The following SYT2 variants were observed in gnomAD, a reference collection of about 807,000 sequenced individuals.
The protein encoded by SYT2 is synaptotagmin-2.
In SYT2, 15 loss-of-function variants were observed where a neutral mutation model predicts 39.9. That is an observed-to-expected ratio of 0.38 (90% CI 0.25 to 0.58). The LOEUF is 0.58. SYT2 is among the 20% of genes least tolerant of loss of function. The pLI is 0.70. For synonymous variants in SYT2, 181 were observed against 204.5 expected (o/e 0.89, Z 0.98); for missense variants, 389 against 530.3 (o/e 0.73, Z 2.62).
chr1:202,657,366 C>G (rs1692295593), intron 1 of SYT2, among the ~76,000 whole-genome samples: 2 of 152,240 alleles, frequency 1.3e-5, no homozygotes, highest in South Asian at 4.1e-4. Flanking sequence ...CTACGATTCT[C>G]TCTTCTCCCA....
intron 8 of SYT2, among the ~76,000 whole-genome samples, chr1:202,597,522 A>G (rs1295913931): frequency 3.3e-5 from 5 of 152,292 alleles, no homozygotes; most frequent in East Asian, 1.9e-4. Context: ...CATCTGAGAA[A>G]CATTAGATGT....
intron 8 of SYT2, among the ~76,000 whole-genome samples, chr1:202,597,708 T>C (rs912362326): frequency 6.6e-6 from 1 of 151,686 alleles, no homozygotes; most frequent in Non-Finnish European, 1.5e-5. Flanking sequence ...TGGCATTGAG[T>C]TGGAAGATTT....
In SYT2 at chr1:202,665,299, G is replaced by A. The variant is rs144988916; in HGVS notation, c.-18+44959C>T. Among the ~76,000 whole-genome samples the A allele has an allele frequency of 4.1e-4, 63 of 152,308 alleles. 1 individual carries two copies. The East Asian group carries it at 0.012, about 29-fold the overall frequency. Reference sequence around the variant, plus strand: ...TTAGGTATGTCTTGTTTAGGGAGAGGATGAACCCAATAACTTCTATACTCC... The same window carrying A: ...TTAGGTATGTCTTGTTTAGGGAGAGAATGAACCCAATAACTTCTATACTCC... On this transcript the variant is annotated intron_variant, in intron 1 of 8. Coordinates refer to ENST00000367268, the MANE Select transcript of SYT2 (RefSeq NM_177402.5).
intron 1 of SYT2, among the ~76,000 whole-genome samples, chr1:202,668,007 G>C (rs538563594): frequency 6.6e-6 from 1 of 152,166 alleles, no homozygotes; most frequent in Non-Finnish European, 1.5e-5. Flanking sequence ...CATCGCGCCC[G>C]GCCCAGATAT....
chr1:202,600,276 A>C (rs1690451796), intron 7 of SYT2, 81 bp downstream of exon 7: 2 of 1,171,482 alleles, frequency 1.7e-6, no homozygotes, highest in African/African-American at 3.0e-5. Flanking sequence ...GTTCCTCTTC[A>C]CTGGAGTGTG....
intron 1 of SYT2, among the ~76,000 whole-genome samples, chr1:202,651,174 C>T (rs990414659): frequency 6.6e-6 from 1 of 152,054 alleles, no homozygotes; most frequent in Admixed American, 6.5e-5. Flanking sequence ...CCAGTCTACA[C>T]CATGGAGGAG....
intron 1 of SYT2, among the ~76,000 whole-genome samples, chr1:202,703,133 C>A (rs185398722): frequency 1.1e-3 from 166 of 152,246 alleles, no homozygotes; most frequent in African/African-American, 3.8e-3. Context: ...ACCACCCAGC[C>A]CTTAGGGAGC....
intron 1 of SYT2, among the ~76,000 whole-genome samples, chr1:202,647,512 C>T (rs1052505037): frequency 2.0e-4 from 30 of 152,106 alleles, no homozygotes; most frequent in Non-Finnish European, 3.1e-4. Flanking sequence ...GCAACAGTAG[C>T]TGAGGCTACC....
At chr1:202,626,884 G>A (rs1691432398) in intron 1 of SYT2, among the ~76,000 whole-genome samples, 1 of 152,210 alleles carries the variant, frequency 6.6e-6, no homozygotes, top group Non-Finnish European at 1.5e-5. Context: ...AGGATCAGGT[G>A]CCTGTCTCAC....
intron 1 of SYT2, among the ~76,000 whole-genome samples, chr1:202,658,179 G>A (rs111761894): frequency 1.5e-4 from 23 of 152,228 alleles, no homozygotes; most frequent in African/African-American, 5.3e-4. Flanking sequence ...TGTGAGCTGG[G>A]AGACTGCAGG....
intron 1 of SYT2, among the ~76,000 whole-genome samples, chr1:202,665,712 C>A (rs964464614): frequency 1.3e-5 from 2 of 152,190 alleles, no homozygotes; most frequent in East Asian, 3.8e-4. Flanking sequence ...CTCATTTGCT[C>A]TTCTCTCCCT....
intron 8 of SYT2, among the ~76,000 whole-genome samples, chr1:202,597,316 G>T (rs1046282865): frequency 9.9e-5 from 15 of 152,194 alleles, no homozygotes; most frequent in Admixed American, 1.3e-4. Context: ...TAAAGGTTAT[G>T]CTAGAGAGAT....
chr1:202,692,473 C>T (rs931824659), intron 1 of SYT2, among the ~76,000 whole-genome samples: 1 of 152,194 alleles, frequency 6.6e-6, no homozygotes, highest in African/African-American at 2.4e-5. Context: ...GAGAACATTG[C>T]CAGATTGCAG....
At chr1:202,693,254 A>T (rs1436983179) in intron 1 of SYT2, among the ~76,000 whole-genome samples, 5 of 152,210 alleles carry the variant, frequency 3.3e-5, no homozygotes, top group African/African-American at 9.6e-5. Context: ...TTCAGGGGCA[A>T]ATTGATGACA....
intron 1 of SYT2, among the ~76,000 whole-genome samples, chr1:202,608,729 G>A (rs190267260): frequency 2.6e-5 from 4 of 152,176 alleles, no homozygotes; most frequent in Non-Finnish European, 5.9e-5. Flanking sequence ...AAGTTTTTGC[G>A]TGGACATATG....
At chr1:202,696,139 G>C (rs1653967779) in intron 1 of SYT2, among the ~76,000 whole-genome samples, 1 of 152,238 alleles carries the variant, frequency 6.6e-6, no homozygotes, top group South Asian at 2.1e-4. Flanking sequence ...ACACAGAAAA[G>C]AGAGAAAGTG....
At chr1:202,624,943 G>C (rs1691334008) in intron 1 of SYT2, among the ~76,000 whole-genome samples, 1 of 109,182 alleles carries the variant, frequency 9.2e-6, no homozygotes, top group African/African-American at 3.5e-5. Context: ...GTGTGTTTGT[G>C]TAGTGTGTGT....
chr1:202,666,013 C>T (rs372777669), intron 1 of SYT2, among the ~76,000 whole-genome samples: 6 of 150,680 alleles, frequency 4.0e-5, no homozygotes, highest in South Asian at 2.1e-4. Context: ...ATTAGCCGGG[C>T]GTGGTGGCGG....
chr1:202,663,898 T>C (rs947075562), intron 1 of SYT2, among the ~76,000 whole-genome samples: 1 of 152,158 alleles, frequency 6.6e-6, no homozygotes. Flanking sequence ...TACTAACTTT[T>C]GGATGGGCTT....
Sources: gnomAD v4.1 joint callset for allele counts (sites outside exome capture counted in the v4.1 genomes callset) on GRCh38, gnomAD v4.1.1 for gene constraint, MANE v1.5 for transcripts, NCBI Gene and HGNC (gene_info 2026-07-23, HGNC 2026-07-21) for gene names.